Variants in MTHFD1 observed in about 807,000 individuals in gnomAD.
MTHFD1 encodes C-1-tetrahydrofolate synthase, cytoplasmic.
A neutral mutation model predicts 110.3 loss-of-function variants in MTHFD1; 44 were observed. The observed-to-expected ratio is 0.40, with a 90% CI of 0.31 to 0.51. The LOEUF is 0.51. Among genes scored for constraint, MTHFD1 ranks in the 20% least tolerant of loss-of-function variants. The pLI is 0.60. For missense variants in MTHFD1, 909 were observed against 1,173.1 expected (o/e 0.77, Z 3.29); for synonymous variants, 402 against 428.8 (o/e 0.94, Z 0.77).
chr14:64,391,615 T>A (rs2077806285), intron 1 of MTHFD1, among the ~76,000 whole-genome samples: 1 of 152,238 alleles, frequency 6.6e-6, no homozygotes, highest in East Asian at 1.9e-4. Flanking sequence ...GCATTCCAGA[T>A]TCCTTCTCTA....
rs911859180 is a variant in MTHFD1 at position 64,414,097 on chromosome 14, C to T, written c.241-1261C>T. Among the ~76,000 whole-genome samples the T allele has an allele frequency of 3.9e-5, 6 of 152,184 alleles. No homozygotes were observed. In the South Asian group the frequency reaches 6.2e-4, roughly 16 times the overall value. On this transcript the variant is annotated intron_variant, in intron 4 of 27. Coordinates refer to ENST00000652337, the MANE Select transcript of MTHFD1 (RefSeq NM_005956.4). ...GCAACCTCCACCTCCCAGGTTCAAG[C>T]GATTCTCATGCCTCAGCCTCCTGAG... is the stretch of plus-strand genomic sequence containing the variant.
At chr14:64,435,724 C>T (rs2078201718) in intron 16 of MTHFD1, 53 bp downstream of exon 16, 1 of 1,029,370 alleles carries the variant, frequency 9.7e-7, no homozygotes, top group East Asian at 2.4e-5. Flanking sequence ...GCACACCCTA[C>T]ACCCTCCAGA....
intron 15 of MTHFD1, among the ~76,000 whole-genome samples, chr14:64,434,555 C>CA (rs1294042885): frequency 6.6e-6 from 1 of 151,978 alleles, no homozygotes; most frequent in African/African-American, 2.4e-5. Flanking sequence ...GACCTCATCT[C>CA]AAAAAAACAA....
Position 64,411,095 on chromosome 14 carries a change from C to G in MTHFD1, c.132C>G (p.Gly44=). The change falls in exon 3 of 28, where the codon GGC becomes GGG. Residue 44 remains glycine, a synonymous_variant. Coordinates refer to ENST00000652337, the MANE Select transcript of MTHFD1 (RefSeq NM_005956.4). ...GCATGCATTTATTATTCTAGGTTGG[C>G]AACAGAGATGATTCCAATCTTTATA... ...FTPRLAILQV[G]NRDDSNLYIN... 6.2e-7 allele frequency: 1 copy of G among 1,609,906 alleles called. No individual in the cohort carries two copies. The highest frequency in any genetic ancestry group is 8.5e-7 in the Non-Finnish European group (1 of 1,176,542).
chr14:64,403,578 GTATTTTTT>G (rs2077915176), intron 2 of MTHFD1, among the ~76,000 whole-genome samples: 1 of 123,728 alleles, frequency 8.1e-6, no homozygotes, highest in Admixed American at 9.2e-5. Flanking sequence ...TTAATTTTTT[GTATTTTTT>G]TGTAGAGTTT....
In MTHFD1 at chr14:64,395,099, T is replaced by C. The variant is rs1019473208; in HGVS notation, c.42-5694T>C. On this transcript the variant is annotated intron_variant, in intron 1 of 27. Transcript: ENST00000652337. ...GCATCAACTCTCCTTTGTTGACATA[T>C]AGTTAAGCACCGCTTCTTACAGATC... Among the ~76,000 whole-genome samples the C allele has an allele frequency of 5.3e-5, 8 of 152,230 alleles. No individual in the cohort carries two copies. In the South Asian group the frequency reaches 1.0e-3, roughly 20 times the overall value.
At chr14:64,431,696 C>A in intron 14 of MTHFD1, 57 bp downstream of exon 14, 1 of 1,597,370 alleles carries the variant, frequency 6.3e-7, no homozygotes, top group Non-Finnish European at 8.6e-7. Flanking sequence ...ATTGAACCAT[C>A]TGAATTAGTG....
intron 1 of MTHFD1, among the ~76,000 whole-genome samples, chr14:64,400,212 A>C (rs1355428187): frequency 2.6e-5 from 4 of 151,630 alleles, no homozygotes; most frequent in Admixed American, 2.0e-4. Flanking sequence ...AACATAGAGA[A>C]TCTCCACGTT....
intron 1 of MTHFD1, among the ~76,000 whole-genome samples, chr14:64,397,600 C>T (rs1037315312): frequency 5.3e-5 from 8 of 152,086 alleles, no homozygotes; most frequent in Admixed American, 4.6e-4. Flanking sequence ...GCCCGAAGCC[C>T]TGTATTTTGA....
intron 21 of MTHFD1, among the ~76,000 whole-genome samples, 183 bp downstream of exon 21, chr14:64,442,585 G>A (rs1236479705): frequency 2.6e-5 from 4 of 152,218 alleles, no homozygotes; most frequent in Non-Finnish European, 4.4e-5. Flanking sequence ...CACCGTCAGC[G>A]CTCAGCATTT....
At chr14:64,441,250 A>G in intron 18 of MTHFD1, 135 bp from the exon 19 acceptor site, 1 of 823,242 alleles carries the variant, frequency 1.2e-6, no homozygotes, top group Non-Finnish European at 2.1e-6. Flanking sequence ...AAAACCATGA[A>G]TGGTCCAATT....
rs575336900 is a variant in MTHFD1, at chr14:64,411,721, G to A, written c.186+572G>A. Reference sequence around the variant, plus strand: ...TTTAGACCAGCCTAAGAAACATGGAGAAACCCCATCTCTACTAAAAATACA... The same window carrying A: ...TTTAGACCAGCCTAAGAAACATGGAAAAACCCCATCTCTACTAAAAATACA... On this transcript the variant is annotated intron_variant, in intron 3 of 27. Transcript: ENST00000652337. 1.0e-3 allele frequency among the ~76,000 whole-genome samples: 156 copies of A among 152,276 alleles called. No homozygotes were observed. The Middle Eastern group carries it at 0.02, about 20-fold the overall frequency.
chr14:64,437,896 G>A (rs1023248198), intron 16 of MTHFD1, among the ~76,000 whole-genome samples: 1 of 151,868 alleles, frequency 6.6e-6, no homozygotes, highest in African/African-American at 2.4e-5. Context: ...TTTTTGAGAC[G>A]GAGTTTTGTT....
intron 11 of MTHFD1, among the ~76,000 whole-genome samples, chr14:64,426,596 G>A (rs965826084): frequency 1.3e-5 from 2 of 152,024 alleles, no homozygotes; most frequent in Admixed American, 6.6e-5. Flanking sequence ...TCAGCCTCCC[G>A]AGTAGCTGGG....
chr14:64,448,238 G>C lies in MTHFD1; in HGVS notation c.2200G>C (p.Gly734Arg). 1 of 1,614,002 alleles carries C rather than the reference G, an allele frequency of 6.2e-7. No individual in the cohort carries two copies. ...IQENLELVEK[G>R]FSNLKKQIEN... ...ACAGAACCTGGAGCTGGTTGAAAAA[G>C]GCTTCAGTAACTTGAAGAAACAAAT... Residue 734 changes from glycine to arginine, a missense_variant, in exon 23 of 28, where the codon GGC (glycine) becomes CGC (arginine). Physicochemically the swap from Gly to Arg is moderately radical, Grantham distance 125. Around this residue, in one of 3 missense-constraint regions of MTHFD1, gnomAD observed 482 missense variants for 646.0 expected, o/e 0.75. Coordinates refer to ENST00000652337, the MANE Select transcript of MTHFD1 (RefSeq NM_005956.4).
At chr14:64,403,058 C>G (rs1324781297) in intron 2 of MTHFD1, among the ~76,000 whole-genome samples, 3 of 152,150 alleles carry the variant, frequency 2.0e-5, no homozygotes, top group Non-Finnish European at 4.4e-5. Flanking sequence ...CTCCCAGGCT[C>G]AAGTGATCCT....
chr14:64,434,922 C>T (rs567053465), intron 15 of MTHFD1, among the ~76,000 whole-genome samples: 2 of 144,812 alleles, frequency 1.4e-5, no homozygotes, highest in Non-Finnish European at 3.0e-5. Context: ...ACTCTCTAAG[C>T]AGACTACGTG....
chr14:64,428,288 G>A (rs571964798), intron 12 of MTHFD1, among the ~76,000 whole-genome samples: 25 of 151,382 alleles, frequency 1.7e-4, no homozygotes, highest in Admixed American at 4.0e-4. Context: ...GCTAATTTTT[G>A]TATTTTTGGT....
At position 64,452,909 on chromosome 14, in the gene MTHFD1, C is replaced by CA. The variant is rs560251786; in HGVS notation, c.2458-844dup. 3.6e-3 allele frequency among the ~76,000 whole-genome samples: 553 copies of CA among 151,846 alleles called. 4 individuals carry two copies. The highest frequency in any genetic ancestry group is 0.012 in the African/African-American group (497 of 41,442). On this transcript the variant is annotated intron_variant, in intron 24 of 27. Transcript: ENST00000652337. ...TTAAAATTTTTATTTTTTAAAGAGA[C>CA]AGAGTGTTGCTATGTTGCCCAGGCT...
Sources: gnomAD v4.1 joint callset for allele counts (sites outside exome capture counted in the v4.1 genomes callset) on GRCh38, gnomAD v4.1.1 for gene constraint, gnomAD v4.1.1 regional missense constraint, MANE v1.5 for transcripts, NCBI Gene and HGNC (gene_info 2026-07-23, HGNC 2026-07-21) for gene names.